Variants in NUP210L observed in about 807,000 individuals in gnomAD.
NUP210L encodes the protein nuclear pore membrane glycoprotein 210-like.
Under a neutral mutation model 208.5 loss-of-function variants are expected in NUP210L, and 74 were observed. The ratio of observed to expected loss-of-function variants is 0.35; its 90% CI spans 0.29 to 0.43. NUP210L has a LOEUF of 0.43. Among genes scored for constraint, NUP210L ranks in the 20% least tolerant of loss-of-function variants. The probability of loss-of-function intolerance (pLI) is 1.00; values close to 1 mark genes in which losing one functional copy is unlikely to be tolerated. For missense variants in NUP210L, 1,843 were observed against 2,289.4 expected, an observed-to-expected ratio of 0.81 and a Z score of 3.98; for synonymous variants, 780 against 816.9, an observed-to-expected ratio of 0.95 and a Z score of 0.77.
intron 1 of NUP210L, among the ~76,000 whole-genome samples, chr1:154,154,553 C>G (rs1237352760): frequency 6.6e-6 from 1 of 152,116 alleles, no homozygotes; most frequent in Non-Finnish European, 1.5e-5. Context: ...TCATAGTGAC[C>G]ACCCCTTCCC....
intron 34 of NUP210L, among the ~76,000 whole-genome samples, chr1:154,010,988 T>C (rs546570709): frequency 1.5e-4 from 23 of 152,268 alleles, no homozygotes; most frequent in African/African-American, 5.3e-4. Context: ...TACAATATAA[T>C]TCAAGCCCCA....
At chr1:154,103,282 T>C (rs986487564) in intron 13 of NUP210L, among the ~76,000 whole-genome samples, 34 of 151,624 alleles carry the variant, frequency 2.2e-4, no homozygotes, top group African/African-American at 8.2e-4. Flanking sequence ...TAATCCCAGG[T>C]ACTTGGGAGG....
intron 35 of NUP210L, among the ~76,000 whole-genome samples, chr1:154,003,048 T>A (rs1489829777): frequency 1.3e-5 from 2 of 150,918 alleles, no homozygotes; most frequent in Non-Finnish European, 3.0e-5. Flanking sequence ...TTTCACACTG[T>A]TGCCCAGGCT....
At chr1:154,149,578 G>GC (rs1659285415) in intron 2 of NUP210L, among the ~76,000 whole-genome samples, 1 of 152,072 alleles carries the variant, frequency 6.6e-6, no homozygotes, top group South Asian at 2.1e-4. Flanking sequence ...GCCTGGTGGT[G>GC]CCCCCCTGTA....
intron 36 of NUP210L, 43 bp downstream of exon 36, chr1:154,001,692 A>T (rs1251367831): frequency 6.3e-7 from 1 of 1,592,372 alleles, no homozygotes; most frequent in African/African-American, 1.3e-5. Context: ...ATCTTTTCAA[A>T]TTCCTGATCT....
chr1:154,061,619 A>G, exon 18 of NUP210L: 4 of 1,608,822 alleles, frequency 2.5e-6, no homozygotes, highest in Non-Finnish European at 3.4e-6. Context: ...AGCCCACAAA[A>G]TTGACTCCAA....
rs762258294 is a variant in NUP210L, at chr1:154,058,221, T to C, written c.2980-5A>G. ...CACAGTTTTGTCTATTTCAACCTAG[T>C]AGTTAAAAAGAAAAAGATTTTAGCA... On this transcript the variant is annotated splice_polypyrimidine_tract_variant and splice_region_variant and intron_variant, in intron 21 of 39. Coordinates refer to ENST00000368559, the Ensembl canonical transcript of NUP210L. 6.2e-7 allele frequency: 1 copy of C among 1,613,296 alleles called. No individual in the cohort carries two copies.
At chr1:154,120,357 C>T (rs1293056295) in intron 10 of NUP210L, among the ~76,000 whole-genome samples, 1 of 152,030 alleles carries the variant, frequency 6.6e-6, no homozygotes, top group Non-Finnish European at 1.5e-5. Context: ...AACCATCATT[C>T]TCAGCAAACT....
intron 37 of NUP210L, chr1:153,995,641 C>T (rs1043346437): frequency 1.7e-5 from 22 of 1,304,316 alleles, no homozygotes; most frequent in Non-Finnish European, 2.3e-5. Flanking sequence ...AATGGTCCAG[C>T]GTTTGACATA....
At chr1:154,049,898 A>T (rs1217376737) in intron 25 of NUP210L, among the ~76,000 whole-genome samples, 1 of 152,198 alleles carries the variant, frequency 6.6e-6, no homozygotes, top group Non-Finnish European at 1.5e-5. Context: ...AAGCGTTTTC[A>T]TCGGAAAGTG....
exon 40 of NUP210L, chr1:153,992,929 A>T: frequency 1.2e-6 from 2 of 1,611,112 alleles, no homozygotes; most frequent in Non-Finnish European, 1.7e-6. Context: ...TGTGGAGTTA[A>T]AAAAACCTAG....
intron 37 of NUP210L, chr1:153,996,067 T>C (rs934618648): frequency 3.0e-5 from 10 of 332,824 alleles, no homozygotes; most frequent in Non-Finnish European, 4.7e-5. Flanking sequence ...CCAAGGCGGG[T>C]GGATCACAAG....
At chr1:153,999,734 C>CTA (rs1650097837) in intron 37 of NUP210L, among the ~76,000 whole-genome samples, 1 of 54,594 alleles carries the variant, frequency 1.8e-5, no homozygotes, top group Non-Finnish European at 3.3e-5. Flanking sequence ...AAGACTCTCT[C>CTA]AAAAAAAAAA....
At chr1:154,100,440 C>A (rs1446150647) in intron 13 of NUP210L, among the ~76,000 whole-genome samples, 1 of 146,240 alleles carries the variant, frequency 6.8e-6, no homozygotes, top group Admixed American at 6.8e-5. Context: ...AAGAGTAAGA[C>A]CTTACCTAAA....
chr1:154,114,686 C>G (rs947887802), intron 12 of NUP210L, among the ~76,000 whole-genome samples: 4 of 152,030 alleles, frequency 2.6e-5, no homozygotes, highest in African/African-American at 9.7e-5. Context: ...TCACCGCAAC[C>G]TCAAACTCCT....
At chr1:153,995,741 T>G (rs879095192) in intron 37 of NUP210L, 11 of 808,030 alleles carry the variant, frequency 1.4e-5, no homozygotes, top group Admixed American at 7.0e-5. Flanking sequence ...TATACCAAGA[T>G]GGATGGGAAA....
At chr1:154,054,724 G>C (rs749411597) in intron 24 of NUP210L, 46 bp downstream of exon 24, 2 of 1,285,566 alleles carry the variant, frequency 1.6e-6, no homozygotes, top group Admixed American at 1.7e-5. Context: ...GAGAGAGAGA[G>C]GTAAGGAGAA....
chr1:154,034,934 C>G (rs1652449755), intron 27 of NUP210L, among the ~76,000 whole-genome samples: 1 of 151,484 alleles, frequency 6.6e-6, no homozygotes. Flanking sequence ...CTCTGCCTCC[C>G]AGGTTCAAGT....
intron 17 of NUP210L, among the ~76,000 whole-genome samples, chr1:154,062,567 C>CTT (rs34499821): frequency 0.028 from 2,078 of 75,036 alleles, 1 homozygote; most frequent in Non-Finnish European, 0.033. Flanking sequence ...TTTCTTTTTC[C>CTT]TTTTTTTTTT....
Sources: gnomAD v4.1 joint callset for allele counts (sites outside exome capture counted in the v4.1 genomes callset) on GRCh38, gnomAD v4.1.1 for gene constraint, MANE v1.5 for transcripts, NCBI Gene and HGNC (gene_info 2026-07-23, HGNC 2026-07-21) for gene names.